TBC1D5: variants seen among roughly 807,000 people sequenced by gnomAD.
The protein encoded by TBC1D5 is TBC1 domain family member 5, also known as TBC1 domain family, member 5.
A neutral mutation model predicts 100.3 loss-of-function variants in TBC1D5; 75 were observed. The ratio of observed to expected loss-of-function variants is 0.75; its 90% confidence interval spans 0.62 to 0.91. TBC1D5 has a LOEUF of 0.91. Among genes scored for constraint, TBC1D5 ranks in the 40% least tolerant of loss-of-function variants. The probability of loss-of-function intolerance (pLI) is 0.00; values close to 1 mark genes in which losing one functional copy is unlikely to be tolerated. For missense variants in TBC1D5, 910 were observed against 942.4 expected (o/e 0.97, Z 0.45); for synonymous variants, 323 against 325.6 (o/e 0.99, Z 0.09).
At chr3:17,610,245 C>A (rs936805471) in intron 2 of TBC1D5, among the ~76,000 whole-genome samples, 1 of 152,034 alleles carries the variant, frequency 6.6e-6, no homozygotes, top group African/African-American at 2.4e-5. Context: ...AGAGCAGTGG[C>A]GTGATTATGG....
chr3:17,248,503 T>G (rs991746416), intron 16 of TBC1D5, among the ~76,000 whole-genome samples: 4 of 152,210 alleles, frequency 2.6e-5, no homozygotes, highest in African/African-American at 9.6e-5. Flanking sequence ...CTATGGCAGC[T>G]ATAGCCTTAT....
chr3:17,284,193 C>T (rs1311905918), intron 15 of TBC1D5, among the ~76,000 whole-genome samples: 4 of 151,920 alleles, frequency 2.6e-5, no homozygotes, highest in African/African-American at 7.3e-5. Context: ...TCTTGGCTCA[C>T]TGCAACCTCC....
chr3:17,412,893 G>A (rs950681629), intron 4 of TBC1D5, among the ~76,000 whole-genome samples: 10 of 152,058 alleles, frequency 6.6e-5, no homozygotes, highest in African/African-American at 2.4e-4. Flanking sequence ...AATGACCTCT[G>A]GCAACAAGGC....
intron 3 of TBC1D5, among the ~76,000 whole-genome samples, chr3:17,461,369 T>A (rs999069513): frequency 1.8e-4 from 27 of 152,198 alleles, no homozygotes; most frequent in African/African-American, 6.5e-4. Flanking sequence ...TTCTCTCAAA[T>A]CCAAGACTGA....
intron 2 of TBC1D5, among the ~76,000 whole-genome samples, chr3:17,532,429 G>A (rs912329704): frequency 5.9e-5 from 9 of 152,258 alleles, no homozygotes; most frequent in African/African-American, 1.7e-4. Flanking sequence ...TCAGTGTGGC[G>A]ATTCCTCAGG....
chr3:17,465,552 C>G (rs2095287335), intron 3 of TBC1D5: 1 of 152,186 alleles, frequency 6.6e-6, no homozygotes, highest in Non-Finnish European at 1.5e-5. Context: ...ATAAAATCAC[C>G]AAAAATAAAC....
At chr3:17,276,874 C>T (rs530964751) in intron 15 of TBC1D5, among the ~76,000 whole-genome samples, 1 of 152,308 alleles carries the variant, frequency 6.6e-6, no homozygotes, top group South Asian at 2.1e-4. Flanking sequence ...CATAAAACCT[C>T]CCATGCATGA....
intron 3 of TBC1D5, among the ~76,000 whole-genome samples, chr3:17,506,248 T>A (rs952031393): frequency 6.6e-6 from 1 of 152,216 alleles, no homozygotes; most frequent in Non-Finnish European, 1.5e-5. Flanking sequence ...CACATTTTCC[T>A]GTAAAAAGAA....
At chr3:17,166,508 G>T (rs140265806) in intron 21 of TBC1D5, among the ~76,000 whole-genome samples, 1 of 152,190 alleles carries the variant, frequency 6.6e-6, no homozygotes, top group South Asian at 2.1e-4. Context: ...AGGAGGCTCA[G>T]GCAGCACTGC....
chr3:17,529,994 A>C (rs536849979), intron 2 of TBC1D5, among the ~76,000 whole-genome samples: 64 of 152,302 alleles, frequency 4.2e-4, no homozygotes, highest in African/African-American at 1.5e-3. Context: ...CTGTAATCCC[A>C]GCATTTTGGG....
chr3:17,318,687 C>G (rs1044978517), intron 13 of TBC1D5, among the ~76,000 whole-genome samples: 2 of 152,140 alleles, frequency 1.3e-5, no homozygotes, highest in African/African-American at 2.4e-5. Context: ...TTTTTCTATT[C>G]TTTTATATTT....
chr3:17,484,455 G>GGGGTGTGTGTGTGTGT (rs1309270588), intron 3 of TBC1D5, among the ~76,000 whole-genome samples: 6 of 111,544 alleles, frequency 5.4e-5, no homozygotes, highest in East Asian at 4.8e-4. Context: ...GTAACACCAG[G>GGGGTGTGTGTGTGTGT]GTGTGTGTGT....
chr3:17,404,845 C>CA (rs780532966), intron 6 of TBC1D5, 27 bp downstream of exon 6: 1 of 1,555,638 alleles, frequency 6.4e-7, no homozygotes, highest in South Asian at 1.2e-5. Context: ...AAAACAATTA[C>CA]ATTAATTAAA....
At chr3:17,485,731 C>T (rs2095557362) in intron 3 of TBC1D5, among the ~76,000 whole-genome samples, 1 of 151,884 alleles carries the variant, frequency 6.6e-6, no homozygotes, top group East Asian at 1.9e-4. Context: ...TTTCTTAATC[C>T]AGTCTATCAT....
intron 2 of TBC1D5, among the ~76,000 whole-genome samples, chr3:17,596,246 G>T (rs1383060651): frequency 6.6e-6 from 1 of 151,920 alleles, no homozygotes; most frequent in East Asian, 1.9e-4. Flanking sequence ...TTATTAAAAT[G>T]GAGATTCACA....
chr3:17,233,884 C>A, intron 17 of TBC1D5, 134 bp from the exon 18 acceptor site: 1 of 495,244 alleles, frequency 2.0e-6, no homozygotes, highest in South Asian at 4.2e-5. Context: ...AATGCACAAG[C>A]TTAGAAAAAT....
At chr3:17,233,589 G>T in intron 17 of TBC1D5, 96 bp downstream of exon 18, 1 of 687,696 alleles carries the variant, frequency 1.5e-6, no homozygotes, top group African/African-American at 1.8e-5. Flanking sequence ...CAGTATGAAT[G>T]GAGGGTGGGC....
chr3:17,572,175 T>C (rs560366364), intron 2 of TBC1D5, among the ~76,000 whole-genome samples: 6 of 151,966 alleles, frequency 3.9e-5, no homozygotes, highest in African/African-American at 1.2e-4. Context: ...GCTCTCTCTC[T>C]CTCTCACCCT....
At chr3:17,491,559 G>A (rs555711372) in intron 3 of TBC1D5, among the ~76,000 whole-genome samples, 1 of 152,166 alleles carries the variant, frequency 6.6e-6, no homozygotes, top group Non-Finnish European at 1.5e-5. Context: ...CCTCTATTGA[G>A]ATAATCATGT....
Sources: allele counts gnomAD v4.1 joint callset (sites outside exome capture counted in the v4.1 genomes callset), GRCh38; gene constraint gnomAD v4.1.1; transcripts MANE v1.5; gene names NCBI Gene and HGNC (gene_info 2026-07-23, HGNC 2026-07-21).